The following PARPBP variants were observed in gnomAD, a reference collection of about 807,000 sequenced individuals.
The protein encoded by PARPBP is PARP1 binding protein.
A neutral mutation model predicts 50.0 loss-of-function variants in PARPBP; 52 were observed. That is an observed-to-expected ratio of 1.04 (90% CI 0.83 to 1.31). The LOEUF is 1.31. Among genes scored for constraint, PARPBP ranks in the 50% most tolerant of loss-of-function variants. PARPBP has a pLI of 0.00. For synonymous variants in PARPBP, 244 were observed against 232.1 expected (o/e 1.05, Z -0.47); for missense variants, 697 against 672.0 (o/e 1.04, Z -0.41).
chr12:102,129,193 G>A (rs1882471926), intron 2 of PARPBP, among the ~76,000 whole-genome samples: 2 of 151,972 alleles, frequency 1.3e-5, no homozygotes, highest in South Asian at 4.1e-4. Flanking sequence ...TCAATATGTT[G>A]CCCAGGCTGT....
intron 9 of PARPBP, among the ~76,000 whole-genome samples, chr12:102,182,998 T>G (rs935450955): frequency 6.6e-6 from 1 of 152,208 alleles, no homozygotes; most frequent in African/African-American, 2.4e-5. Context: ...AATTTGCTCC[T>G]GTCTGAAGAT....
At chr12:102,141,986 G>T (rs950177474) in intron 2 of PARPBP, among the ~76,000 whole-genome samples, 1 of 152,122 alleles carries the variant, frequency 6.6e-6, no homozygotes, top group Non-Finnish European at 1.5e-5. Context: ...TTCTCGAGGA[G>T]TATCTTTGTG....
chr12:102,130,543 G>GA (rs760753908), intron 2 of PARPBP, among the ~76,000 whole-genome samples: 2 of 151,886 alleles, frequency 1.3e-5, no homozygotes, highest in Admixed American at 6.6e-5. Context: ...AGATTTACAA[G>GA]AAAAAATCCC....
rs772349415 is a variant in PARPBP, at chr12:102,196,686, A to G, written c.*395A>G. ...CCAACAAGGTCGGTAGACTCTTCCC[A>G]GCATACATCTGAGCACTGAAGGAAG... On this transcript the variant is annotated 3_prime_UTR_variant, in exon 11 of 11. Transcript: ENST00000327680. 3 of 1,609,464 alleles carry G rather than the reference A, an allele frequency of 1.9e-6. No homozygotes were observed.
At chr12:102,181,613 G>A (rs1016784501) in intron 8 of PARPBP, among the ~76,000 whole-genome samples, 4 of 152,134 alleles carry the variant, frequency 2.6e-5, no homozygotes, top group Non-Finnish European at 5.9e-5. Context: ...ATGTTGTTAT[G>A]CAGCACATGA....
intron 4 of PARPBP, among the ~76,000 whole-genome samples, chr12:102,164,150 G>A (rs1014619016): frequency 6.6e-6 from 1 of 152,012 alleles, no homozygotes; most frequent in Non-Finnish European, 1.5e-5. Context: ...ATTCTATGTT[G>A]GTATACAACT....
At chr12:102,146,253 C>T (rs1885332091) in intron 2 of PARPBP, among the ~76,000 whole-genome samples, 1 of 152,118 alleles carries the variant, frequency 6.6e-6, no homozygotes, top group Non-Finnish European at 1.5e-5. Context: ...GAACCCGCAT[C>T]ACCAAGTCAA....
chr12:102,147,071 C>T (rs987984425), intron 2 of PARPBP, among the ~76,000 whole-genome samples: 5 of 152,064 alleles, frequency 3.3e-5, no homozygotes, highest in Non-Finnish European at 5.9e-5. Context: ...GGATACAACA[C>T]GTGCTGGAGA....
intron 4 of PARPBP, among the ~76,000 whole-genome samples, chr12:102,156,591 A>G (rs1886972437): frequency 1.3e-5 from 2 of 152,146 alleles, no homozygotes; most frequent in Non-Finnish European, 2.9e-5. Context: ...GAGTGTTGAA[A>G]AAAGTAAAAT....
intron 2 of PARPBP, among the ~76,000 whole-genome samples, chr12:102,145,901 C>T (rs537123634): frequency 6.6e-6 from 1 of 152,224 alleles, no homozygotes; most frequent in East Asian, 1.9e-4. Context: ...GGCCGAGAAG[C>T]AATGGCTCAA....
Position 102,164,612 on chromosome 12 carries a change from T to A in PARPBP, c.666+4T>A, listed in dbSNP as rs2139596757. The A allele has an allele frequency of 1.9e-6, 3 of 1,612,580 alleles. No homozygotes were observed. In the East Asian group the frequency reaches 6.7e-5, roughly 36 times the overall value. On this transcript the variant is annotated splice_donor_region_variant and intron_variant, in intron 5 of 10. Transcript: ENST00000327680. ...GAAACAAATGTCTATCTTTTTGGTA[T>A]GGTTGTGTGACATGTTCAAAATTAA...
chr12:102,187,782 C>G (rs1594628259), intron 9 of PARPBP, among the ~76,000 whole-genome samples: 1 of 152,182 alleles, frequency 6.6e-6, no homozygotes, highest in Non-Finnish European at 1.5e-5. Context: ...GTGGAGACTT[C>G]TTTTTTTCAT....
At chr12:102,132,210 CAAAAA>C (rs202066385) in intron 2 of PARPBP, among the ~76,000 whole-genome samples, 9 of 104,322 alleles carry the variant, frequency 8.6e-5, no homozygotes, top group Admixed American at 7.5e-4. Flanking sequence ...GACCCTGTCT[CAAAAA>C]AAAAAAAAAA....
intron 2 of PARPBP, among the ~76,000 whole-genome samples, chr12:102,130,849 C>T (rs1882738201): frequency 6.7e-6 from 1 of 150,048 alleles, no homozygotes; most frequent in Non-Finnish European, 1.5e-5. Context: ...GAGTGAAACA[C>T]CATCTCAGAA....
chr12:102,136,614 T>C (rs1239971575), intron 2 of PARPBP, among the ~76,000 whole-genome samples: 1 of 152,186 alleles, frequency 6.6e-6, no homozygotes, highest in Non-Finnish European at 1.5e-5. Flanking sequence ...TAATTCAGTG[T>C]GAAAGTTCAG....
intron 9 of PARPBP, among the ~76,000 whole-genome samples, chr12:102,190,551 A>G (rs1429163607): frequency 6.6e-6 from 1 of 152,096 alleles, no homozygotes; most frequent in African/African-American, 2.4e-5. Context: ...CACCCTTGCC[A>G]TAAACAGTCA....
chr12:102,182,744 G>A (rs951084275), intron 9 of PARPBP, 117 bp downstream of exon 9: 2 of 700,970 alleles, frequency 2.9e-6, no homozygotes, highest in Non-Finnish European at 4.9e-6. Flanking sequence ...TGACACAGTA[G>A]GAATTAAATG....
chr12:102,141,907 CT>C (rs1241995044), intron 2 of PARPBP, among the ~76,000 whole-genome samples: 1 of 152,156 alleles, frequency 6.6e-6, no homozygotes, highest in Admixed American at 6.5e-5. Flanking sequence ...TTCTCTCTGG[CT>C]GCCCTTAACA....
At chr12:102,144,396 G>C (rs1202440423) in intron 2 of PARPBP, among the ~76,000 whole-genome samples, 1 of 152,116 alleles carries the variant, frequency 6.6e-6, no homozygotes, top group African/African-American at 2.4e-5. Flanking sequence ...CAGCTGGCAT[G>C]TTTTCCTAGC....
Sources: allele counts gnomAD v4.1 joint callset (sites outside exome capture counted in the v4.1 genomes callset), GRCh38; gene constraint gnomAD v4.1.1; transcripts MANE v1.5; gene names NCBI Gene and HGNC (gene_info 2026-07-23, HGNC 2026-07-21).